Variants in SUCO observed in about 807,000 individuals in gnomAD.
SUCO encodes SUN domain-containing ossification factor.
In SUCO, 57 loss-of-function variants were observed where a neutral mutation model predicts 148.1. The observed-to-expected ratio is 0.38, with a 90% confidence interval of 0.31 to 0.48. SUCO has a LOEUF of 0.48. Among genes scored for constraint, SUCO ranks in the 20% least tolerant of loss-of-function variants. The pLI is 0.96. For synonymous variants in SUCO, 470 were observed against 502.7 expected (o/e 0.93, Z 0.87); for missense variants, 1,331 against 1,468.2 (o/e 0.91, Z 1.53).
At chr1:172,550,839 A>AT in intron 1 of SUCO, 1 of 922,046 alleles carries the variant, frequency 1.1e-6, no homozygotes, top group Non-Finnish European at 1.3e-6. Flanking sequence ...TAATCGTAAC[A>AT]TATTTTTCCT....
chr1:172,608,644 T>A, intron 22 of SUCO, 103 bp from the exon 23 acceptor site: 2 of 801,744 alleles, frequency 2.5e-6, no homozygotes, highest in Non-Finnish European at 4.3e-6. Context: ...TACTAGAGGA[T>A]AATAAGGAAT....
In SUCO at chr1:172,609,817, A is replaced by G. The variant is rs745612675; in HGVS notation, c.3323A>G (p.Lys1108Arg). 9 of 1,590,032 alleles carry G rather than the reference A, an allele frequency of 5.7e-6. No individual in the cohort carries two copies. In the Admixed American group the frequency reaches 1.7e-4, roughly 30 times the overall value. The change falls in exon 24 of 24, where the codon AAG (lysine) becomes AGG (arginine). Residue 1108 changes from lysine to arginine, a missense_variant and splice_region_variant. This residue lies in a region of SUCO where 334 missense variants were observed against 352.3 expected (regional missense o/e 0.95). Coordinates refer to ENST00000263688, the MANE Select transcript of SUCO (RefSeq NM_014283.5). Reference protein sequence around the residue: ...EPLKFSPEKKKKRCKYKIEKI... With the variant: ...EPLKFSPEKKRKRCKYKIEKI... ...ACTTTTCTTTTACTTGTGTTGTAGA[A>G]GAAGCGCTGCAAGTACAAAATTGAA...
intron 6 of SUCO, among the ~76,000 whole-genome samples, chr1:172,561,347 T>A (rs1350124305): frequency 6.6e-6 from 1 of 152,136 alleles, no homozygotes; most frequent in East Asian, 1.9e-4. Context: ...AGGATTGCTG[T>A]GGTTAGTTAG....
intron 1 of SUCO, among the ~76,000 whole-genome samples, chr1:172,547,633 TA>T (rs2149223826): frequency 6.6e-6 from 1 of 152,248 alleles, no homozygotes; most frequent in Admixed American, 6.5e-5. Context: ...TAGTGCCACA[TA>T]AAATAAAGCT....
At chr1:172,543,836 C>T (rs1652671786) in intron 1 of SUCO, among the ~76,000 whole-genome samples, 2 of 151,958 alleles carry the variant, frequency 1.3e-5, no homozygotes, top group Admixed American at 6.6e-5. Context: ...ATGCTCTTAC[C>T]TATTAGCAGA....
Position 172,589,470 on chromosome 1 carries a change from C to T in SUCO, c.2369C>T (p.Pro790Leu). ...KSESFSSIEK[P>L]SITYETNKVN... ...GAGAGCTTTAGTTCTATAGAGAAAC[C>T]ATCTATTACCTATGAAACAAATAAA... The change falls in exon 18 of 24, where the codon CCA (proline) becomes CTA (leucine). Residue 790 changes from proline (P) to leucine (L), a missense_variant. Coordinates refer to ENST00000263688, the MANE Select transcript of SUCO (RefSeq NM_014283.5). 1 of 1,610,188 alleles carries T rather than the reference C, an allele frequency of 6.2e-7. No individual in the cohort carries two copies. Among genetic ancestry groups the T allele is most frequent in the Non-Finnish European group, 8.5e-7 (1 of 1,178,506 alleles).
chr1:172,541,848 A>T (rs1285522558), intron 1 of SUCO: 1 of 982,958 alleles, frequency 1.0e-6, no homozygotes, highest in Non-Finnish European at 1.2e-6. Flanking sequence ...TAAAATTATG[A>T]ATCTGTGAAA....
intron 1 of SUCO, chr1:172,542,814 G>A (rs1652575279): frequency 2.0e-6 from 2 of 985,270 alleles, no homozygotes; most frequent in Non-Finnish European, 2.4e-6. Flanking sequence ...AAGAAAGGAG[G>A]AAACTGGAAA....
intron 1 of SUCO, among the ~76,000 whole-genome samples, chr1:172,536,516 G>GC (rs1652030858): frequency 6.6e-6 from 1 of 152,090 alleles, no homozygotes; most frequent in African/African-American, 2.4e-5. Flanking sequence ...TACCTACTGT[G>GC]CCAGATGTTT....
At chr1:172,543,869 A>G (rs1337860310) in intron 1 of SUCO, among the ~76,000 whole-genome samples, 9 of 152,060 alleles carry the variant, frequency 5.9e-5, no homozygotes, top group Non-Finnish European at 1.2e-4. Context: ...AAGAGAAGCA[A>G]CCTTAAAAGA....
rs183177707 is a variant in SUCO, at chr1:172,587,638, T to G, written c.1659-1122T>G. 9.9e-5 allele frequency among the ~76,000 whole-genome samples: 15 copies of G among 152,248 alleles called. No homozygotes were observed. The East Asian group carries it at 2.5e-3, about 25-fold the overall frequency. On this transcript the variant is annotated intron_variant, in intron 17 of 23. Transcript: ENST00000263688. ...AAGTGTAGTCTAATTATGTTTTAAT[T>G]TGGTCCATTTACTGTTTTACTACCA...
chr1:172,558,726 C>T (rs905095660), intron 6 of SUCO, among the ~76,000 whole-genome samples: 5 of 152,154 alleles, frequency 3.3e-5, no homozygotes, highest in African/African-American at 9.7e-5. Context: ...TACCAAATCA[C>T]GCATATGTTA....
chr1:172,602,123 G>C lies in SUCO; in HGVS notation c.3078G>C (p.Leu1026=), dbSNP rs774692465. The change falls in exon 21 of 24, where the codon CTG becomes CTC. Residue 1026 remains leucine (L), a synonymous_variant. Transcript: ENST00000263688. ...TGGTTCTTTGTGTTGTCTTGGGACTGATGCTTTGTATGCAGCGTTGTCGAA... is the reference window on the plus strand; with the variant it reads ...TGGTTCTTTGTGTTGTCTTGGGACTCATGCTTTGTATGCAGCGTTGTCGAA... ...ISLVLCVVLG[L]MLCMQRCRNT... 6.2e-7 allele frequency: 1 copy of C among 1,613,744 alleles called. No individual in the cohort carries two copies. The highest frequency in any genetic ancestry group is 1.1e-5 in the South Asian group (1 of 91,056).
At chr1:172,602,010 A>AT in intron 20 of SUCO, 54 bp from the exon 21 acceptor site, 1 of 1,511,728 alleles carries the variant, frequency 6.6e-7, no homozygotes, top group Non-Finnish European at 8.9e-7. Flanking sequence ...ATACCCTTAT[A>AT]TTTTTCCTAA....
chr1:172,611,267 G>A lies in SUCO; in HGVS notation c.*1008G>A, dbSNP rs1482712384. 1 of 152,560 alleles carries A rather than the reference G, an allele frequency of 6.6e-6. No homozygotes were observed. The highest frequency in any genetic ancestry group is 1.9e-4 in the East Asian group (1 of 5,196). 9.5% of individuals were successfully genotyped at this position (152,560 alleles called of 1,614,324 possible). A position where few individuals can be genotyped will look rare whatever the true frequency, so the allele number is the denominator to read the frequency against. The stretch of plus-strand genomic sequence containing the variant: ...ATTATTATTCCTTGATGTTTGCTTT[G>A]TATTGGCTACAAATGTGCAGAGGTA... On this transcript the variant is annotated 3_prime_UTR_variant, in exon 24 of 24. Transcript: ENST00000263688.
chr1:172,553,075 G>T, intron 2 of SUCO, 185 bp from the exon 3 acceptor site: 1 of 275,912 alleles, frequency 3.6e-6, no homozygotes, highest in Non-Finnish European at 5.5e-6. Context: ...CATTTTAAAT[G>T]TTGTAGCAAT....
chr1:172,598,936 A>G (rs1373656109), intron 19 of SUCO, among the ~76,000 whole-genome samples: 1 of 151,772 alleles, frequency 6.6e-6, no homozygotes, highest in Non-Finnish European at 1.5e-5. Context: ...AGTTTTATAC[A>G]CCCCCCCTCT....
At chr1:172,559,197 G>A (rs78230391) in intron 6 of SUCO, among the ~76,000 whole-genome samples, 1,568 of 152,220 alleles carry the variant, frequency 0.01, 102 homozygotes, top group Admixed American at 0.091. Flanking sequence ...TTTCCAAACT[G>A]ATTTTGTTGT....
At chr1:172,551,654 T>C in intron 2 of SUCO, 28 bp downstream of exon 2, 2 of 1,409,148 alleles carry the variant, frequency 1.4e-6, no homozygotes. Context: ...AACATTATAA[T>C]TTGTGTGTCA....
Sources: allele counts gnomAD v4.1 joint callset (sites outside exome capture counted in the v4.1 genomes callset), GRCh38; gene constraint gnomAD v4.1.1; regional missense constraint gnomAD v4.1.1; transcripts MANE v1.5; gene names NCBI Gene and HGNC (gene_info 2026-07-23, HGNC 2026-07-21).